Variants in TRIM24 observed in about 807,000 individuals in gnomAD.
TRIM24 encodes tripartite motif containing 24, also known as transcription intermediary factor 1-alpha.
TRIM24 carries 29 observed loss-of-function variants against 123.9 expected under a neutral mutation model. That is an observed-to-expected ratio of 0.23 (90% CI 0.17 to 0.32). TRIM24 has a LOEUF of 0.32. TRIM24 is among the 10% of genes least tolerant of loss of function. The pLI is 1.00. For synonymous variants in TRIM24, 456 were observed against 461.1 expected (o/e 0.99, Z 0.14); for missense variants, 932 against 1,295.3 (o/e 0.72, Z 4.31).
chr7:138,523,550 T>C (rs1277918922), intron 4 of TRIM24, among the ~76,000 whole-genome samples: 1 of 152,014 alleles, frequency 6.6e-6, no homozygotes, highest in East Asian at 1.9e-4. Context: ...GGTCAGGAGA[T>C]TGAGACCATC....
chr7:138,466,340 A>G (rs912255438), intron 1 of TRIM24, among the ~76,000 whole-genome samples: 1 of 151,408 alleles, frequency 6.6e-6, no homozygotes, highest in African/African-American at 2.4e-5. Flanking sequence ...GAGAAAAGCT[A>G]TCTCATGGTT....
At chr7:138,558,497 G>T (rs1203301354) in intron 9 of TRIM24, among the ~76,000 whole-genome samples, 1 of 152,134 alleles carries the variant, frequency 6.6e-6, no homozygotes, top group Non-Finnish European at 1.5e-5. Flanking sequence ...GATCCCCTAT[G>T]ATGGTTCCTC....
intron 11 of TRIM24, 75 bp downstream of exon 11, chr7:138,571,078 C>A: frequency 1.4e-6 from 2 of 1,472,028 alleles, no homozygotes; most frequent in Non-Finnish European, 1.9e-6. Flanking sequence ...TCCTGTAATC[C>A]CAGCACTTTG....
chr7:138,489,170 C>T (rs1395715805), intron 1 of TRIM24, among the ~76,000 whole-genome samples: 1 of 152,052 alleles, frequency 6.6e-6, no homozygotes, highest in Non-Finnish European at 1.5e-5. Context: ...AGGATTGCAA[C>T]CTCTGCTATT....
At chr7:138,533,932 G>A (rs951502684) in intron 6 of TRIM24, among the ~76,000 whole-genome samples, 2 of 152,074 alleles carry the variant, frequency 1.3e-5, no homozygotes, top group South Asian at 2.1e-4. Context: ...CTTCTTCCTG[G>A]TTTAGTCTTG....
At chr7:138,500,270 G>A (rs1473983677) in intron 1 of TRIM24, among the ~76,000 whole-genome samples, 1 of 152,030 alleles carries the variant, frequency 6.6e-6, no homozygotes, top group Admixed American at 6.6e-5. Flanking sequence ...TAGAAAAAAG[G>A]AATAAGAGGC....
intron 6 of TRIM24, among the ~76,000 whole-genome samples, chr7:138,535,958 C>G (rs1350805194): frequency 4.6e-5 from 7 of 152,172 alleles, no homozygotes; most frequent in African/African-American, 1.4e-4. Flanking sequence ...TGCTTCGTTT[C>G]ATTCATTTGA....
At chr7:138,564,895 C>A (rs1797503293) in intron 9 of TRIM24, among the ~76,000 whole-genome samples, 1 of 152,166 alleles carries the variant, frequency 6.6e-6, no homozygotes, top group South Asian at 2.1e-4. Context: ...CTCATTTCCT[C>A]CCAGTTACAG....
At chr7:138,567,719 A>C in intron 10 of TRIM24, 65 bp downstream of exon 10, 1 of 1,473,040 alleles carries the variant, frequency 6.8e-7, no homozygotes. Context: ...ATCACAAAGA[A>C]TTTACAGATT....
chr7:138,514,501 C>T (rs977537711), intron 2 of TRIM24: 5 of 152,204 alleles, frequency 3.3e-5, no homozygotes, highest in African/African-American at 1.2e-4. Context: ...TACTTACCTT[C>T]GTTCAGTTCT....
chr7:138,460,975 T>G (rs907402599), intron 1 of TRIM24, 63 bp downstream of exon 1: 2 of 1,329,782 alleles, frequency 1.5e-6, no homozygotes, highest in Middle Eastern at 2.8e-4. Context: ...CGGGCGCCCT[T>G]GTGCGGCGCG....
At chr7:138,539,738 G>A (rs1048953143) in intron 7 of TRIM24, among the ~76,000 whole-genome samples, 1 of 151,022 alleles carries the variant, frequency 6.6e-6, no homozygotes, top group Non-Finnish European at 1.5e-5. Flanking sequence ...AAATACTGTA[G>A]TGTAACTGTG....
intron 7 of TRIM24, among the ~76,000 whole-genome samples, chr7:138,540,571 T>C (rs1306750139): frequency 2.0e-5 from 3 of 152,232 alleles, no homozygotes; most frequent in African/African-American, 7.2e-5. Context: ...GCTCTACTTA[T>C]TATTCCAGTT....
At chr7:138,538,567 GTAGT>G in intron 6 of TRIM24, 86 bp from the exon 7 acceptor site, 1 of 1,307,564 alleles carries the variant, frequency 7.6e-7, no homozygotes, top group South Asian at 1.3e-5. Context: ...ATTAGAGATT[GTAGT>G]TATTCTAATT....
At chr7:138,527,809 A>G (rs1231028915) in intron 5 of TRIM24, among the ~76,000 whole-genome samples, 6 of 152,318 alleles carry the variant, frequency 3.9e-5, no homozygotes, top group African/African-American at 1.4e-4. Flanking sequence ...AGAGACCAGT[A>G]GGTGAAACAG....
At chr7:138,461,018 G>C (rs1348263011) in intron 1 of TRIM24, 106 bp downstream of exon 1, 1 of 1,089,766 alleles carries the variant, frequency 9.2e-7, no homozygotes, top group African/African-American at 1.7e-5. Flanking sequence ...CCCGGGGTGC[G>C]CGGCGGGGGA....
At chr7:138,508,723 G>GTGCC (rs1450749354) in intron 2 of TRIM24, among the ~76,000 whole-genome samples, 7 of 133,100 alleles carry the variant, frequency 5.3e-5, no homozygotes, top group Non-Finnish European at 9.7e-5. Flanking sequence ...GTGTGTGCGT[G>GTGCC]TGTGTGTGTG....
chr7:138,485,557 A>G (rs146762513), intron 1 of TRIM24, among the ~76,000 whole-genome samples: 3,240 of 152,000 alleles, frequency 0.021, 95 homozygotes, highest in African/African-American at 0.071. Context: ...CCTGTGTCCA[A>G]GTGTTCTCAT....
intron 7 of TRIM24, among the ~76,000 whole-genome samples, 184 bp from the exon 8 acceptor site, chr7:138,550,879 G>A (rs1235489906): frequency 6.6e-6 from 1 of 152,158 alleles, no homozygotes; most frequent in African/African-American, 2.4e-5. Context: ...AAATAGTGCA[G>A]CTGAGTTACG....
Sources: gnomAD v4.1 joint callset for allele counts (sites outside exome capture counted in the v4.1 genomes callset) on GRCh38, gnomAD v4.1.1 for gene constraint, MANE v1.5 for transcripts, NCBI Gene and HGNC (gene_info 2026-07-23, HGNC 2026-07-21) for gene names.